AP2B1: variants seen among roughly 807,000 people sequenced by gnomAD.
AP2B1 encodes the protein AP-2 complex subunit beta.
AP2B1 carries 23 observed loss-of-function variants against 102.0 expected under a neutral mutation model. The observed-to-expected ratio is 0.23, with a 90% CI of 0.16 to 0.32. AP2B1 has a LOEUF of 0.32. Among genes scored for constraint, AP2B1 ranks in the 10% least tolerant of loss-of-function variants. AP2B1 has a pLI of 1.00. For synonymous variants in AP2B1, 381 were observed against 421.2 expected, an observed-to-expected ratio of 0.90 and a Z score of 1.17; for missense variants, 541 against 1,157.4, an observed-to-expected ratio of 0.47 and a Z score of 7.73.
chr17:35,626,950 G>A (rs1041530219), intron 7 of AP2B1, 108 bp downstream of exon 7: 4 of 1,116,668 alleles, frequency 3.6e-6, no homozygotes, highest in Non-Finnish European at 5.2e-6. Flanking sequence ...ATATGGAAAT[G>A]AAAATGTTAT....
rs779874523 is a variant in AP2B1 at position 35,627,381 on chromosome 17, C to T, written c.939-4C>T. On this transcript the variant is annotated splice_polypyrimidine_tract_variant and splice_region_variant and intron_variant, in intron 7 of 21. Coordinates refer to ENST00000610402, the MANE Select transcript of AP2B1 (RefSeq NM_001030006.2). ...TTCCTTTCTTCTGTTTCTGTGTACC[C>T]TAGGCCTGAAATCTTGAAGCAGGAA... The T allele has an allele frequency of 6.2e-7, 1 of 1,611,884 alleles. No individual in the cohort carries two copies. The highest frequency in any genetic ancestry group is 1.1e-5 in the South Asian group (1 of 90,988).
At chr17:35,657,290 C>T (rs985383965) in intron 13 of AP2B1, among the ~76,000 whole-genome samples, 19 of 152,150 alleles carry the variant, frequency 1.2e-4, no homozygotes, top group African/African-American at 4.6e-4. Flanking sequence ...ACAGTTTCTA[C>T]AGAGAACCAT....
At chr17:35,662,633 G>A (rs2075384423) in intron 14 of AP2B1, among the ~76,000 whole-genome samples, 2 of 149,928 alleles carry the variant, frequency 1.3e-5, no homozygotes, top group South Asian at 4.3e-4. Context: ...CTGGTTTGGT[G>A]TAGTGTGGGA....
At chr17:35,677,813 CT>C (rs1399195706) in intron 17 of AP2B1, among the ~76,000 whole-genome samples, 1 of 149,702 alleles carries the variant, frequency 6.7e-6, no homozygotes, top group Admixed American at 6.6e-5. Context: ...CAAATCTTAC[CT>C]TTTGTCAGAT....
chr17:35,639,571 C>G, intron 10 of AP2B1, 24 bp from the exon 11 acceptor site: 1 of 1,593,034 alleles, frequency 6.3e-7, no homozygotes, highest in Non-Finnish European at 8.5e-7. Context: ...CCCTCAATAA[C>G]CATAGTTCAT....
At chr17:35,692,672 A>G (rs759236896) in intron 18 of AP2B1, among the ~76,000 whole-genome samples, 1 of 152,030 alleles carries the variant, frequency 6.6e-6, no homozygotes, top group African/African-American at 2.4e-5. Flanking sequence ...AAGAAAGTAC[A>G]TTATTCATAC....
In AP2B1 at chr17:35,645,599, C is replaced by T. The variant is rs532392380; in HGVS notation, c.1536+3624C>T. Among the ~76,000 whole-genome samples, 8 of 152,254 alleles carry T rather than the reference C, an allele frequency of 5.3e-5. No homozygotes were observed. In the South Asian group the frequency reaches 1.7e-3, roughly 32 times the overall value. On this transcript the variant is annotated intron_variant, in intron 12 of 21. Coordinates refer to ENST00000610402, the MANE Select transcript of AP2B1 (RefSeq NM_001030006.2). ...GCATGGTGGCTTATGCCTGTAATCC[C>T]AGCACTTTGGGAAGCCGAGGCAGGT...
chr17:35,596,693 G>A (rs2073291280), intron 2 of AP2B1, among the ~76,000 whole-genome samples: 2 of 152,202 alleles, frequency 1.3e-5, no homozygotes, highest in South Asian at 2.1e-4. Flanking sequence ...CCAGCTTCAC[G>A]TCCAGCTCCA....
rs1377250087 is a variant in AP2B1, at chr17:35,624,601, C to T, written c.716+14C>T. 1 of 1,604,102 alleles carries T rather than the reference C, an allele frequency of 6.2e-7. No homozygotes were observed. Among genetic ancestry groups the T allele is most frequent in the Non-Finnish European group, 8.5e-7 (1 of 1,174,246 alleles). On this transcript the variant is annotated intron_variant, in intron 6 of 21. Transcript: ENST00000610402. ...GGAGGCTCAGAGGTCAGTCTGTTTT[C>T]CTGGCTACTTTCTGGTAGTCTTGCC...
At chr17:35,685,166 C>G (rs1040287958) in intron 18 of AP2B1, among the ~76,000 whole-genome samples, 2 of 152,172 alleles carry the variant, frequency 1.3e-5, no homozygotes, top group African/African-American at 2.4e-5. Context: ...TTGGGGATGT[C>G]ATAATTGTGG....
intron 10 of AP2B1, 86 bp downstream of exon 10, chr17:35,636,542 C>G (rs1259552816): frequency 9.4e-6 from 9 of 957,622 alleles, no homozygotes; most frequent in Non-Finnish European, 1.5e-5. Flanking sequence ...AAGAATTACT[C>G]TTTTGAATGT....
intron 20 of AP2B1, among the ~76,000 whole-genome samples, chr17:35,711,772 A>C (rs1366980224): frequency 6.6e-6 from 1 of 152,204 alleles, no homozygotes; most frequent in Admixed American, 6.5e-5. Flanking sequence ...CACCCAGCCC[A>C]GCTTTTTAAT....
At chr17:35,664,213 A>G (rs1312653560) in intron 14 of AP2B1, among the ~76,000 whole-genome samples, 5 of 152,112 alleles carry the variant, frequency 3.3e-5, no homozygotes. Flanking sequence ...CAAACAATAC[A>G]TTTCCTCCCT....
At chr17:35,710,207 A>G in intron 19 of AP2B1, 27 bp from the exon 20 acceptor site, 1 of 1,531,836 alleles carries the variant, frequency 6.5e-7, no homozygotes, top group Non-Finnish European at 9.0e-7. Flanking sequence ...ATGCACATCC[A>G]TCCTTCCCCT....
intron 14 of AP2B1, among the ~76,000 whole-genome samples, chr17:35,667,448 G>A (rs1032337546): frequency 6.6e-6 from 1 of 152,114 alleles, no homozygotes; most frequent in African/African-American, 2.4e-5. Flanking sequence ...TAGCTGAGTT[G>A]TATCTGATAT....
At chr17:35,641,433 T>C (rs2074777472) in intron 11 of AP2B1, among the ~76,000 whole-genome samples, 1 of 151,996 alleles carries the variant, frequency 6.6e-6, no homozygotes. Flanking sequence ...ATTTTAAAAA[T>C]TAGTTGTAGT....
intron 9 of AP2B1, among the ~76,000 whole-genome samples, chr17:35,628,790 A>G (rs1041798556): frequency 6.6e-6 from 1 of 152,102 alleles, no homozygotes; most frequent in Admixed American, 6.6e-5. Flanking sequence ...TCCTATATCC[A>G]TTATCATGGT....
At chr17:35,624,643 G>A in intron 6 of AP2B1, 56 bp downstream of exon 6, 1 of 1,516,844 alleles carries the variant, frequency 6.6e-7, no homozygotes, top group Non-Finnish European at 9.0e-7. Flanking sequence ...AGTAAGTTCT[G>A]GAGTCTGCTA....
chr17:35,617,276 G>C (rs1316687792), intron 5 of AP2B1, among the ~76,000 whole-genome samples: 4 of 152,072 alleles, frequency 2.6e-5, no homozygotes, highest in Non-Finnish European at 5.9e-5. Context: ...TGCTGGTCTT[G>C]AATTCCTGAC....
Sources: gnomAD v4.1 joint callset for allele counts (sites outside exome capture counted in the v4.1 genomes callset) on GRCh38, gnomAD v4.1.1 for gene constraint, MANE v1.5 for transcripts, NCBI Gene and HGNC (gene_info 2026-07-23, HGNC 2026-07-21) for gene names.